ABLIM1: variants seen among roughly 807,000 people sequenced by gnomAD.
ABLIM1 encodes the protein actin-binding LIM protein 1.
A neutral mutation model predicts 107.0 loss-of-function variants in ABLIM1; 40 were observed. The observed-to-expected ratio is 0.37, with a 90% CI of 0.29 to 0.49. The LOEUF is 0.49. Ranked by LOEUF, ABLIM1 falls within the 20% of genes least tolerant of loss-of-function variation. The pLI is 0.97. For synonymous variants in ABLIM1, 357 were observed against 357.3 expected, an observed-to-expected ratio of 1.00 and a Z score of 0.01; for missense variants, 857 against 1,008.5, an observed-to-expected ratio of 0.85 and a Z score of 2.04.
At chr10:114,683,146 C>T (rs2080817493) in intron 1 of ABLIM1, among the ~76,000 whole-genome samples, 3 of 152,170 alleles carry the variant, frequency 2.0e-5, no homozygotes, top group Non-Finnish European at 2.9e-5. Context: ...TCCAGAATGT[C>T]AAAGAATCTT....
At chr10:114,603,901 C>T (rs1468791326) in intron 1 of ABLIM1, among the ~76,000 whole-genome samples, 4 of 147,538 alleles carry the variant, frequency 2.7e-5, no homozygotes, top group Non-Finnish European at 5.9e-5. Flanking sequence ...TGCAGTGAGC[C>T]GAGATCGCAC....
Position 114,441,026 on chromosome 10 carries a change from C to T in ABLIM1, c.2050G>A (p.Gly684Arg), listed in dbSNP as rs530000929. The change falls in exon 19 of 23, where the codon GGA becomes AGA. Residue 684 changes from glycine (G) to arginine (R), a missense_variant. This residue lies in a region of ABLIM1 where 193 missense variants were observed against 208.5 expected (regional missense o/e 0.93). Coordinates refer to ENST00000533213, the MANE Select transcript of ABLIM1 (RefSeq NM_002313.7). The stretch of plus-strand genomic sequence containing the variant: ...GCCATGGGAGCCTCACCTCGCACTC[C>T]CCCGCTGACATCCCCATAGCTGTTA... ...QYNSYGDVSG[G>R]VRDYQTLPDG... is the part of the protein sequence containing the mutation. The T allele has an allele frequency of 8.2e-6, 13 of 1,589,410 alleles. No homozygotes were observed. The Middle Eastern group carries it at 6.6e-4, about 81-fold the overall frequency.
Position 114,632,315 on chromosome 10 carries a change from C to G in ABLIM1, c.244+25642G>C, listed in dbSNP as rs538739878. The G allele has an allele frequency of 4.1e-6, 4 of 985,404 alleles. No homozygotes were observed. In the African/African-American group the frequency reaches 7.0e-5, roughly 17 times the overall value. 61.0% of individuals were successfully genotyped at this position (985,404 alleles called of 1,614,324 possible). A position where few individuals can be genotyped will look rare whatever the true frequency, so the allele number is the denominator to read the frequency against. On this transcript the variant is annotated intron_variant, in intron 1 of 22. Transcript: ENST00000533213. ...TATGAAAAGCTCCCGAACGCTGGCC[C>G]CCTCCCACAGTCTGATAAATGATTG...
intron 3 of ABLIM1, among the ~76,000 whole-genome samples, chr10:114,574,791 G>A (rs1338565511): frequency 6.6e-6 from 1 of 152,118 alleles, no homozygotes; most frequent in African/African-American, 2.4e-5. Flanking sequence ...ATACAACCTT[G>A]GTAGATGACA....
rs1166387686 is a variant in ABLIM1, at chr10:114,433,567, A to G, written c.*2693T>C. The stretch of plus-strand genomic sequence containing the variant: ...TAAATGAACTCATATGGTACTTGAT[A>G]TGGAAAGAAGCTTTTTTTCTTCTCA... On this transcript the variant is annotated 3_prime_UTR_variant, in exon 23 of 23. Coordinates refer to ENST00000533213, the MANE Select transcript of ABLIM1 (RefSeq NM_002313.7). 6.6e-6 allele frequency: 1 copy of G among 152,248 alleles called. No homozygotes were observed. Among genetic ancestry groups the G allele is most frequent in the Non-Finnish European group, 1.5e-5 (1 of 68,054 alleles). The allele number at this position is 152,248 out of a possible 1,614,324, so 9.4% of individuals were successfully genotyped here.
At chr10:114,535,325 C>G (rs779638271) in intron 6 of ABLIM1, among the ~76,000 whole-genome samples, 3 of 150,770 alleles carry the variant, frequency 2.0e-5, no homozygotes, top group Admixed American at 6.6e-5. Flanking sequence ...TTTTTTTTCT[C>G]CCTGAGATGT....
At chr10:114,542,128 G>C (rs1031812664) in intron 6 of ABLIM1, among the ~76,000 whole-genome samples, 2 of 152,194 alleles carry the variant, frequency 1.3e-5, no homozygotes, top group Admixed American at 6.5e-5. Flanking sequence ...TTTTATGAGG[G>C]CCAGGCTTGG....
At chr10:114,547,916 C>T (rs1356240812) in intron 4 of ABLIM1, 140 bp from the exon 5 acceptor site, 1 of 1,206,924 alleles carries the variant, frequency 8.3e-7, no homozygotes, top group African/African-American at 1.5e-5. Context: ...CAGTTTCTTT[C>T]CCTGCACAAA....
intron 1 of ABLIM1, chr10:114,613,609 G>T (rs770350459): frequency 1.7e-6 from 2 of 1,175,738 alleles, no homozygotes; most frequent in Non-Finnish European, 1.1e-6. Flanking sequence ...TTTCTGAAAA[G>T]GCACTCTTGC....
At chr10:114,717,677 G>A (rs1353387467) in intron 1 of ABLIM1, among the ~76,000 whole-genome samples, 1 of 152,132 alleles carries the variant, frequency 6.6e-6, no homozygotes, top group Non-Finnish European at 1.5e-5. Flanking sequence ...CACTTTGGGA[G>A]GCTGAAGCGG....
Position 114,548,120 on chromosome 10 carries a change from A to G in ABLIM1, c.674-344T>C, listed in dbSNP as rs182290329. On this transcript the variant is annotated intron_variant, in intron 4 of 22. Transcript: ENST00000533213. Reference sequence around the variant, plus strand: ...AGTGTCTTGGCTGTGATTTTAAGAAAGTGCGCATAGGCATTTATTAATTGA... The same window carrying G: ...AGTGTCTTGGCTGTGATTTTAAGAAGGTGCGCATAGGCATTTATTAATTGA... Among the ~76,000 whole-genome samples the G allele has an allele frequency of 3.3e-5, 5 of 152,338 alleles. No homozygotes were observed. In the East Asian group the frequency reaches 9.6e-4, roughly 29 times the overall value.
At chr10:114,522,268 A>C (rs1331358409) in intron 6 of ABLIM1, among the ~76,000 whole-genome samples, 1 of 152,048 alleles carries the variant, frequency 6.6e-6, no homozygotes, top group Non-Finnish European at 1.5e-5. Flanking sequence ...ATGCTTTAGA[A>C]CTCTTTTCAA....
At chr10:114,447,497 A>T (rs2061193017) in intron 15 of ABLIM1, among the ~76,000 whole-genome samples, 1 of 152,228 alleles carries the variant, frequency 6.6e-6, no homozygotes, top group East Asian at 1.9e-4. Flanking sequence ...ATGCTTCTAC[A>T]AACATTCGGT....
At chr10:114,590,088 G>C (rs2074690411) in intron 2 of ABLIM1, among the ~76,000 whole-genome samples, 1 of 151,958 alleles carries the variant, frequency 6.6e-6, no homozygotes, top group Non-Finnish European at 1.5e-5. Flanking sequence ...CTTACCATTG[G>C]GTTACAATTG....
At chr10:114,708,493 T>G (rs559693880) in intron 1 of ABLIM1, among the ~76,000 whole-genome samples, 10 of 142,052 alleles carry the variant, frequency 7.0e-5, no homozygotes, top group African/African-American at 2.5e-4. Context: ...TAACTGGAGG[T>G]AGACATGACA....
chr10:114,779,748 T>C, the ABLIM1 span: 1 of 152,186 alleles, frequency 6.6e-6, no homozygotes, highest in African/African-American at 2.4e-5. Flanking sequence ...TGTAATATAG[T>C]TTAGGTAACC....
upstream of ABLIM1, among the ~76,000 whole-genome samples, chr10:114,685,563 C>A (rs1350964888): frequency 6.6e-6 from 1 of 152,124 alleles, no homozygotes; most frequent in African/African-American, 2.4e-5. Context: ...CCCTATGTGC[C>A]CTTCCCCTGG....
chr10:114,709,697 C>A lies in ABLIM1; in HGVS notation c.-213+58364G>T, dbSNP rs542251034. Among the ~76,000 whole-genome samples, 45 of 152,276 alleles carry A rather than the reference C, an allele frequency of 3.0e-4. 1 individual carries two copies. Among genetic ancestry groups the A allele is most frequent in the Admixed American group, 6.5e-4 (10 of 15,304 alleles). On this transcript the variant is annotated intron_variant, in intron 1 of 15. Transcript: ENST00000651092. ...AGTTATTGTCATATGAAAAGGCAAT[C>A]AAGGAATATGCTGTCAAAAATGTAG...
intron 12 of ABLIM1, among the ~76,000 whole-genome samples, chr10:114,455,485 A>T (rs2062640552): frequency 6.6e-6 from 1 of 152,246 alleles, no homozygotes; most frequent in African/African-American, 2.4e-5. Context: ...AAAAATGAGT[A>T]TAAAAAACAC....
Sources: allele counts gnomAD v4.1 joint callset (sites outside exome capture counted in the v4.1 genomes callset), GRCh38; gene constraint gnomAD v4.1.1; regional missense constraint gnomAD v4.1.1; transcripts MANE v1.5; gene names NCBI Gene and HGNC (gene_info 2026-07-23, HGNC 2026-07-21).